The following DNAH11 variants were observed in gnomAD, a reference collection of about 807,000 sequenced individuals.
The protein encoded by DNAH11 is axonemal beta dynein heavy chain 11.
In DNAH11, 442 loss-of-function variants were observed where a neutral mutation model predicts 526.0. That is an observed-to-expected ratio of 0.84 (90% CI 0.78 to 0.91). The LOEUF (loss-of-function observed/expected upper bound fraction) is 0.91. Ranked by LOEUF, DNAH11 falls within the 40% of genes least tolerant of loss-of-function variation. The probability of loss-of-function intolerance (pLI) is 0.00; values close to 1 mark genes in which losing one functional copy is unlikely to be tolerated. For missense variants in DNAH11, 6,989 were observed against 5,448.7 expected (o/e 1.28, Z -8.90); for synonymous variants, 2,461 against 1,935.9 (o/e 1.27, Z -7.12).
chr7:21,789,333 A>G lies in DNAH11; in HGVS notation c.10017A>G (p.Lys3339=), dbSNP rs775019256. The G allele has an allele frequency of 2.6e-6, 4 of 1,566,574 alleles. No homozygotes were observed. The highest frequency in any genetic ancestry group is 2.4e-5 in the East Asian group (1 of 42,372). Residue 3339 remains lysine (K), a synonymous_variant, in exon 61 of 82, where the codon AAA becomes AAG. Transcript: ENST00000409508. ...CTGAAAAACTAGAGGCTATCAGGAAAAAGCTTGTGGTGAGTGCAAACTATG... is the reference window on the plus strand; with the variant it reads ...CTGAAAAACTAGAGGCTATCAGGAAGAAGCTTGTGGTGAGTGCAAACTATG... ...AATEKLEAIR[K]KLVDLDRNLS... is the part of the protein sequence containing the mutation.
At chr7:21,624,343 C>T (rs1219557033) in intron 25 of DNAH11, among the ~76,000 whole-genome samples, 1 of 151,992 alleles carries the variant, frequency 6.6e-6, no homozygotes, top group Non-Finnish European at 1.5e-5. Flanking sequence ...GGATTGATTT[C>T]TTAATTTCTT....
Position 21,742,196 on chromosome 7 carries a change from T to A in DNAH11, c.8154+30T>A. 1.2e-6 allele frequency: 2 copies of A among 1,606,874 alleles called. 1 individual carries two copies. The highest frequency in any genetic ancestry group is 2.2e-5 in the South Asian group (2 of 90,498). The stretch of plus-strand genomic sequence containing the variant: ...CTTGACTGCTCTATGTTATGCCTCT[T>A]GAGTAGAGAAATAATGATAATACTA... On this transcript the variant is annotated intron_variant, in intron 49 of 81. Transcript: ENST00000409508.
chr7:21,552,422 G>A lies in DNAH11; in HGVS notation c.496-6380G>A, dbSNP rs139435220. Among the ~76,000 whole-genome samples, 29 of 152,188 alleles carry A rather than the reference G, an allele frequency of 1.9e-4. No individual in the cohort carries two copies. In the East Asian group the frequency reaches 4.8e-3, roughly 25 times the overall value. On this transcript the variant is annotated intron_variant, in intron 2 of 81. Coordinates refer to ENST00000409508, the MANE Select transcript of DNAH11 (RefSeq NM_001277115.2). ...ACCCACTATTCCCAATATTCTTTCC[G>A]GGTTTATTCTTCGCTTCCCTTTACT...
At chr7:21,638,371 A>G (rs1786964018) in intron 27 of DNAH11, among the ~76,000 whole-genome samples, 1 of 152,140 alleles carries the variant, frequency 6.6e-6, no homozygotes, top group African/African-American at 2.4e-5. Context: ...TAATTATTTC[A>G]GTTGAGTAAT....
At chr7:21,618,975 A>G in intron 23 of DNAH11, 125 bp from the exon 24 acceptor site, 2 of 1,229,634 alleles carry the variant, frequency 1.6e-6, no homozygotes, top group Admixed American at 4.5e-5. Flanking sequence ...GTATTTCAAG[A>G]CGAGAGATGT....
intron 64 of DNAH11, among the ~76,000 whole-genome samples, chr7:21,817,891 C>T (rs1049130595): frequency 6.6e-6 from 1 of 152,034 alleles, no homozygotes; most frequent in African/African-American, 2.4e-5. Flanking sequence ...TAAAAAAGAG[C>T]CATCAAATGA....
chr7:21,827,680 G>A (rs1311650215), intron 65 of DNAH11, among the ~76,000 whole-genome samples: 2 of 150,574 alleles, frequency 1.3e-5, no homozygotes, highest in African/African-American at 2.4e-5. Context: ...AGAGGGAGAT[G>A]GCATTTTATA....
Position 21,897,419 on chromosome 7 carries a change from G to A in DNAH11, c.13050-1917G>A, listed in dbSNP as rs962696248. On this transcript the variant is annotated intron_variant, in intron 79 of 81. Transcript: ENST00000409508. Reference sequence around the variant, plus strand: ...TCTCCTCTTGTCAAATGCTGCCGTGGAGATGTCAAAAGCTAGCATACTTCT... The same window carrying A: ...TCTCCTCTTGTCAAATGCTGCCGTGAAGATGTCAAAAGCTAGCATACTTCT... Among the ~76,000 whole-genome samples the A allele has an allele frequency of 4.9e-5, 7 of 142,054 alleles. No homozygotes were observed. In the Admixed American group the frequency reaches 5.0e-4, roughly 10 times the overall value. The allele number at this position is 142,054 out of a possible 152,430, so 93.2% of individuals were successfully genotyped here.
intron 22 of DNAH11, 51 bp from the exon 23 acceptor site, chr7:21,617,568 T>C: frequency 6.3e-7 from 1 of 1,592,730 alleles, no homozygotes; most frequent in East Asian, 2.3e-5. Flanking sequence ...ATTATTAATA[T>C]ATACTGTGTT....
chr7:21,658,190 A>C (rs963565311), intron 29 of DNAH11, among the ~76,000 whole-genome samples: 3 of 152,102 alleles, frequency 2.0e-5, no homozygotes, highest in Non-Finnish European at 4.4e-5. Context: ...TTTACAAGTC[A>C]GCAGTTGTCC....
intron 32 of DNAH11, 82 bp downstream of exon 32, chr7:21,684,026 G>A: frequency 7.1e-7 from 1 of 1,406,048 alleles, no homozygotes; most frequent in Admixed American, 2.1e-5. Flanking sequence ...GAAGGAATGA[G>A]AGGAAACGAT....
intron 56 of DNAH11, among the ~76,000 whole-genome samples, chr7:21,777,503 A>G (rs992936934): frequency 5.3e-5 from 8 of 152,176 alleles, no homozygotes; most frequent in Non-Finnish European, 7.3e-5. Context: ...AATTCTTTCC[A>G]TAATGGCTGT....
chr7:21,900,186 C>CT, intron 81 of DNAH11, 66 bp downstream of exon 81: 1 of 1,488,284 alleles, frequency 6.7e-7, no homozygotes, highest in Non-Finnish European at 9.0e-7. Context: ...TGTTTGTCCT[C>CT]TGCTTACTGT....
intron 54 of DNAH11, among the ~76,000 whole-genome samples, chr7:21,751,794 T>C (rs1786423200): frequency 6.6e-6 from 1 of 152,214 alleles, no homozygotes; most frequent in African/African-American, 2.4e-5. Flanking sequence ...TAAGATTCAG[T>C]TGCCCAAAGA....
intron 68 of DNAH11, among the ~76,000 whole-genome samples, chr7:21,858,353 C>T (rs574411191): frequency 1.1e-4 from 17 of 152,300 alleles, no homozygotes; most frequent in Non-Finnish European, 2.1e-4. Context: ...AAAATATGAT[C>T]TCACACTTTT....
intron 34 of DNAH11, among the ~76,000 whole-genome samples, chr7:21,688,054 C>A (rs1381818876): frequency 6.6e-6 from 1 of 152,126 alleles, no homozygotes; most frequent in Non-Finnish European, 1.5e-5. Context: ...AGAGCAAGAC[C>A]CTTTCTCCAA....
intron 26 of DNAH11, among the ~76,000 whole-genome samples, chr7:21,636,818 A>G (rs1786886059): frequency 6.6e-6 from 1 of 152,182 alleles, no homozygotes; most frequent in Non-Finnish European, 1.5e-5. Context: ...CATGCACCAT[A>G]GATTGCCGAC....
chr7:21,722,276 C>G (rs1167051576), intron 44 of DNAH11, among the ~76,000 whole-genome samples: 5 of 152,152 alleles, frequency 3.3e-5, no homozygotes, highest in African/African-American at 2.4e-5. Context: ...GGATTCCCAC[C>G]CAAGTGTGTC....
chr7:21,636,004 A>C lies in DNAH11; in HGVS notation c.4634A>C (p.His1545Pro). 1.2e-6 allele frequency: 2 copies of C among 1,613,710 alleles called. No individual in the cohort carries two copies. Among genetic ancestry groups the C allele is most frequent in the Non-Finnish European group, 1.7e-6 (2 of 1,179,778 alleles). The stretch of plus-strand genomic sequence containing the variant: ...ATGGAAGTCCAGCGAACTTGGTCTC[A>C]CCTGGAAAGCATTTTTGTCTGTTCA... Reference protein sequence around the residue: ...TWMEVQRTWSHLESIFVCSED... With the variant: ...TWMEVQRTWSPLESIFVCSED... The change falls in exon 26 of 82, where the codon CAC becomes CCC. Residue 1545 changes from histidine to proline, a missense_variant. By Grantham distance (77) the His-to-Pro change is moderately conservative (BLOSUM62 -2). Coordinates refer to ENST00000409508, the MANE Select transcript of DNAH11 (RefSeq NM_001277115.2).
Sources: allele counts gnomAD v4.1 joint callset (sites outside exome capture counted in the v4.1 genomes callset), GRCh38; gene constraint gnomAD v4.1.1; transcripts MANE v1.5; gene names NCBI Gene and HGNC (gene_info 2026-07-23, HGNC 2026-07-21).